Variants in PACC1 observed in about 807,000 individuals in gnomAD.
The protein encoded by PACC1 is proton-activated chloride channel.
A neutral mutation model predicts 39.7 loss-of-function variants in PACC1; 34 were observed. That is an observed-to-expected ratio of 0.86 (90% CI 0.65 to 1.14). The LOEUF is 1.14. Among genes scored for constraint, PACC1 ranks in the 50% most tolerant of loss-of-function variants. PACC1 has a pLI of 0.00. For synonymous variants in PACC1, 127 were observed against 160.6 expected (o/e 0.79, Z 1.58); for missense variants, 379 against 436.4 (o/e 0.87, Z 1.17).
At chr1:212,369,686 C>T (rs1660373864) in intron 7 of PACC1, among the ~76,000 whole-genome samples, 1 of 151,164 alleles carries the variant, frequency 6.6e-6, no homozygotes, top group Non-Finnish European at 1.5e-5. Context: ...GAGCCTGAGG[C>T]AGCAGAATCA....
At chr1:212,395,413 T>A (rs1661478508) in intron 2 of PACC1, among the ~76,000 whole-genome samples, 1 of 152,196 alleles carries the variant, frequency 6.6e-6, no homozygotes, top group East Asian at 1.9e-4. Flanking sequence ...GATCCCTTCC[T>A]TACACTGTAT....
Position 212,414,835 on chromosome 1 carries a change from C to G in PACC1, c.-78G>C. On this transcript the variant is annotated 5_prime_UTR_variant, in exon 1 of 8. Transcript: ENST00000261455. ...GGACGCAGCACTGCGGCCGCTGCAC[C>G]TGGACCTACCGGCTCCGCGAGGCGA... 3 of 1,575,078 alleles carry G rather than the reference C, an allele frequency of 1.9e-6. No homozygotes were observed. Among genetic ancestry groups the G allele is most frequent in the Admixed American group, 1.7e-5 (1 of 58,242 alleles).
intron 2 of PACC1, among the ~76,000 whole-genome samples, chr1:212,401,267 C>T (rs1246032980): frequency 2.0e-5 from 3 of 152,048 alleles, no homozygotes; most frequent in East Asian, 3.9e-4. Context: ...TATGGATTTG[C>T]CTGTTCTGAA....
intron 2 of PACC1, among the ~76,000 whole-genome samples, chr1:212,398,949 G>C (rs1296554221): frequency 6.6e-6 from 1 of 152,206 alleles, no homozygotes; most frequent in East Asian, 1.9e-4. Context: ...TGAGCAGTCA[G>C]CTGTAGCTGG....
intron 6 of PACC1, among the ~76,000 whole-genome samples, chr1:212,376,301 C>G (rs778965919): frequency 6.6e-6 from 1 of 152,162 alleles, no homozygotes; most frequent in Non-Finnish European, 1.5e-5. Flanking sequence ...TGAGAGCACT[C>G]TAAACTCTAA....
At chr1:212,390,217 G>A (rs1661259979) in intron 2 of PACC1, among the ~76,000 whole-genome samples, 1 of 152,094 alleles carries the variant, frequency 6.6e-6, no homozygotes, top group Non-Finnish European at 1.5e-5. Context: ...AAGGTCAAGA[G>A]ATCGAAACCA....
chr1:212,405,085 C>T (rs1661859570), intron 2 of PACC1, among the ~76,000 whole-genome samples: 1 of 152,264 alleles, frequency 6.6e-6, no homozygotes, highest in Non-Finnish European at 1.5e-5. Flanking sequence ...AGCCACCACG[C>T]CAGGCCCCTT....
chr1:212,395,966 G>A (rs948608406), intron 2 of PACC1, among the ~76,000 whole-genome samples: 1 of 152,180 alleles, frequency 6.6e-6, no homozygotes, highest in Non-Finnish European at 1.5e-5. Context: ...TGGAGAAATA[G>A]GAACACTTTT....
At chr1:212,412,446 G>GA (rs566433094) in intron 1 of PACC1, among the ~76,000 whole-genome samples, 2 of 152,136 alleles carry the variant, frequency 1.3e-5, no homozygotes, top group South Asian at 4.1e-4. Flanking sequence ...CCTCCCCAAG[G>GA]AAAAATCCCC....
At chr1:212,392,956 A>G (rs1661379709) in intron 2 of PACC1, among the ~76,000 whole-genome samples, 1 of 151,978 alleles carries the variant, frequency 6.6e-6, no homozygotes, top group African/African-American at 2.4e-5. Context: ...GTGACCTACA[A>G]AGAGACTTAG....
intron 2 of PACC1, among the ~76,000 whole-genome samples, chr1:212,394,091 G>T (rs1241531496): frequency 6.6e-6 from 1 of 152,078 alleles, no homozygotes; most frequent in Non-Finnish European, 1.5e-5. Flanking sequence ...ATTTTATGAG[G>T]CCAGCATCAT....
At chr1:212,387,146 TACAG>T in intron 2 of PACC1, 46 bp from the exon 3 acceptor site, 1 of 1,599,480 alleles carries the variant, frequency 6.3e-7, no homozygotes, top group Non-Finnish European at 8.5e-7. Context: ...AGGGACAAGG[TACAG>T]ACAGAGATGG....
intron 1 of PACC1, among the ~76,000 whole-genome samples, chr1:212,412,484 A>G (rs1041423664): frequency 2.0e-5 from 3 of 152,150 alleles, no homozygotes; most frequent in Non-Finnish European, 4.4e-5. Context: ...ACTCAGAGCT[A>G]GGTACACTCA....
At chr1:212,381,920 TCA>T (rs941559126) in intron 4 of PACC1, among the ~76,000 whole-genome samples, 11 of 152,262 alleles carry the variant, frequency 7.2e-5, no homozygotes, top group Non-Finnish European at 4.4e-5. Flanking sequence ...AGGACTGTTC[TCA>T]GAGAGAGAAG....
At chr1:212,369,506 C>A (rs531323042) in intron 7 of PACC1, among the ~76,000 whole-genome samples, 1 of 152,056 alleles carries the variant, frequency 6.6e-6, no homozygotes, top group African/African-American at 2.4e-5. Flanking sequence ...ACAGGCCAGG[C>A]GTGATGGCTT....
intron 7 of PACC1, among the ~76,000 whole-genome samples, chr1:212,367,949 G>C (rs747690047): frequency 3.4e-4 from 51 of 152,102 alleles, no homozygotes; most frequent in Non-Finnish European, 2.5e-4. Context: ...ATTGGTTTAG[G>C]AGGGACCCAG....
At chr1:212,377,326 G>GC (rs1405808669) in intron 6 of PACC1, among the ~76,000 whole-genome samples, 2 of 152,182 alleles carry the variant, frequency 1.3e-5, no homozygotes, top group African/African-American at 4.8e-5. Context: ...AATGATCTCT[G>GC]CCCCACACAT....
In PACC1 at chr1:212,364,664, C is replaced by G. The variant is rs1471797440; in HGVS notation, c.*551G>C. 2 of 152,580 alleles carry G rather than the reference C, an allele frequency of 1.3e-5. No homozygotes were observed. Among genetic ancestry groups the G allele is most frequent in the Admixed American group, 6.5e-5 (1 of 15,284 alleles). The allele number at this position is 152,580 out of a possible 1,614,324, so 9.5% of individuals were successfully genotyped here. On this transcript the variant is annotated 3_prime_UTR_variant, in exon 8 of 8. Transcript: ENST00000261455. ...AACTTAATTACTAGTTTCTAGTAGC[C>G]TTAAAGTCTCATTTAACATTTAACA... is the stretch of plus-strand genomic sequence containing the variant.
At chr1:212,398,406 C>G (rs957508759) in intron 2 of PACC1, among the ~76,000 whole-genome samples, 4 of 152,202 alleles carry the variant, frequency 2.6e-5, no homozygotes, top group Admixed American at 2.6e-4. Context: ...AAACTATAAA[C>G]CAGTGAATGT....
Sources: allele counts gnomAD v4.1 joint callset (sites outside exome capture counted in the v4.1 genomes callset), GRCh38; gene constraint gnomAD v4.1.1; transcripts MANE v1.5; gene names NCBI Gene and HGNC (gene_info 2026-07-23, HGNC 2026-07-21).